Variants in ATRX observed in about 807,000 individuals in gnomAD.
The protein encoded by ATRX is ATRX chromatin remodeler.
Under a neutral mutation model 172.6 loss-of-function variants are expected in ATRX, and 12 were observed. The observed-to-expected ratio is 0.07, with a 90% CI of 0.04 to 0.11. ATRX has a LOEUF of 0.11. Among genes scored for constraint, ATRX ranks in the 10% least tolerant of loss-of-function variants. The pLI is 1.00. For synonymous variants in ATRX, 674 were observed against 594.7 expected (o/e 1.13, Z -1.94); for missense variants, 1,368 against 1,767.4 (o/e 0.77, Z 4.05).
intron 1 of ATRX, among the ~76,000 whole-genome samples, chrX:77,779,743 T>G (rs2076501757): frequency 8.9e-6 from 1 of 112,255 alleles, no homozygotes; most frequent in Admixed American, 9.6e-5. Flanking sequence ...GATCAACTAA[T>G]AAAGCATTCC....
chrX:77,627,785 T>C (rs1270056812), intron 19 of ATRX, among the ~76,000 whole-genome samples: 1 of 109,914 alleles, frequency 9.1e-6, no homozygotes, highest in Non-Finnish European at 1.9e-5. Flanking sequence ...GAGGATCACT[T>C]GAGCCCAGGA....
intron 25 of ATRX, among the ~76,000 whole-genome samples, chrX:77,597,395 G>A (rs2066503787): frequency 9.2e-6 from 1 of 108,210 alleles, no homozygotes; most frequent in Admixed American, 1.0e-4. Flanking sequence ...AACAAAAATT[G>A]ACAACTGGGA....
At chrX:77,681,364 T>C (rs1469002870) in intron 9 of ATRX, among the ~76,000 whole-genome samples, 156 bp downstream of exon 9, 1 of 112,000 alleles carries the variant, frequency 8.9e-6, no homozygotes, top group Non-Finnish European at 1.9e-5. Context: ...TAAAAATAAA[T>C]AGGGAAACTT....
intron 30 of ATRX, 149 bp from the exon 31 acceptor site, chrX:77,523,550 C>T (rs782194925): frequency 5.6e-5 from 30 of 533,182 alleles, no homozygotes; most frequent in Non-Finnish European, 8.6e-5. Context: ...TAAAAAACAG[C>T]AGCAAAACAT....
At chrX:77,546,577 G>A (rs1024648177) in intron 30 of ATRX, among the ~76,000 whole-genome samples, 2 of 109,249 alleles carry the variant, frequency 1.8e-5, no homozygotes, top group South Asian at 4.0e-4. Flanking sequence ...CTGCAGCCTC[G>A]ACCTCCTAGG....
chrX:77,514,571 T>C, intron 34 of ATRX, among the ~76,000 whole-genome samples: 1 of 112,275 alleles, frequency 8.9e-6, no homozygotes, highest in Non-Finnish European at 1.9e-5. Context: ...AGATTGAAAC[T>C]GGACCCCCTC....
At chrX:77,759,411 T>C (rs892028280) in intron 1 of ATRX, among the ~76,000 whole-genome samples, 27 of 110,506 alleles carry the variant, frequency 2.4e-4, no homozygotes, top group African/African-American at 8.9e-4. Flanking sequence ...TCTATATAAC[T>C]TAATACTAAA....
At chrX:77,651,419 T>A (rs186829911) in intron 15 of ATRX, among the ~76,000 whole-genome samples, 3 of 111,121 alleles carry the variant, frequency 2.7e-5, no homozygotes, top group African/African-American at 9.8e-5. Flanking sequence ...GAAACATTTC[T>A]CTACCCAAAA....
chrX:77,711,544 A>T (rs1196102318), intron 2 of ATRX, among the ~76,000 whole-genome samples: 2 of 112,691 alleles, frequency 1.8e-5, no homozygotes, highest in Non-Finnish European at 3.7e-5. Flanking sequence ...CAACATAAAA[A>T]GTCAACTGGG....
intron 15 of ATRX, among the ~76,000 whole-genome samples, chrX:77,646,261 G>C (rs1557113593): frequency 1.8e-5 from 2 of 111,563 alleles, no homozygotes; most frequent in Non-Finnish European, 3.8e-5. Context: ...GAAAGTGAAA[G>C]AATAGTAAAA....
chrX:77,702,393 A>C (rs1394370184), intron 2 of ATRX, among the ~76,000 whole-genome samples: 7 of 112,225 alleles, frequency 6.2e-5, no homozygotes, highest in African/African-American at 2.3e-4. Flanking sequence ...CAGTGAGCCA[A>C]GATCGCACCA....
intron 30 of ATRX, among the ~76,000 whole-genome samples, chrX:77,546,630 T>G (rs782805016): frequency 4.0e-4 from 44 of 111,316 alleles, no homozygotes; most frequent in African/African-American, 1.4e-3. Context: ...CAGCTGAGAC[T>G]ACAGGTGCAT....
chrX:77,604,359 AGAAGATATAACAAAT>A (rs2066814647), intron 22 of ATRX, among the ~76,000 whole-genome samples: 1 of 112,602 alleles, frequency 8.9e-6, no homozygotes, highest in African/African-American at 3.2e-5. Flanking sequence ...ATTTTTCAAA[AGAAGATATAACAAAT>A]GGCCAACAAG....
intron 11 of ATRX, 32 bp downstream of exon 11, chrX:77,664,613 T>C (rs782121785): frequency 5.0e-6 from 6 of 1,203,834 alleles, no homozygotes; most frequent in South Asian, 3.5e-5. Context: ...AATCAAATTA[T>C]GACATTATAA....
Position 77,505,224 on chromosome X carries a change from G to GT in ATRX, c.*3126dup, listed in dbSNP as rs2062685709. On this transcript the variant is annotated 3_prime_UTR_variant, in exon 35 of 35. Transcript: ENST00000373344. ...GAAACAAGGGCTACTGGGACAGAAT[G>GT]TAACTGCTCTTAAAGTTTTGTTTGG... 1 of 172,818 alleles carries GT rather than the reference G, an allele frequency of 5.8e-6. No individual in the cohort carries two copies. The highest frequency in any genetic ancestry group is 1.1e-5 in the Non-Finnish European group (1 of 90,560). The allele number at this position is 172,818 out of a possible 1,213,427, so 14.2% of individuals were successfully genotyped here.
chrX:77,724,960 T>C (rs1357545026), intron 1 of ATRX, among the ~76,000 whole-genome samples: 7 of 111,917 alleles, frequency 6.3e-5, no homozygotes, highest in South Asian at 3.7e-4. Context: ...CCTTTTTATA[T>C]ATTGAAAAAT....
At chrX:77,759,821 A>G (rs1281111898) in intron 1 of ATRX, among the ~76,000 whole-genome samples, 1 of 112,242 alleles carries the variant, frequency 8.9e-6, no homozygotes, top group Non-Finnish European at 1.9e-5. Flanking sequence ...TTTCAAATAT[A>G]TATTTAAATT....
intron 9 of ATRX, among the ~76,000 whole-genome samples, chrX:77,676,688 TTAA>T (rs1299990281): frequency 5.3e-5 from 6 of 112,578 alleles, no homozygotes; most frequent in Non-Finnish European, 1.1e-4. Flanking sequence ...AAAAACAGTA[TTAA>T]TATTTTGGTA....
chrX:77,512,192 GAACA>G (rs1303942913), intron 34 of ATRX, among the ~76,000 whole-genome samples: 35 of 111,426 alleles, frequency 3.1e-4, no homozygotes, highest in Non-Finnish European at 3.4e-4. Context: ...AGGGGTGAAG[GAACA>G]AACAAACAAA....
Sources: gnomAD v4.1 joint callset for allele counts (sites outside exome capture counted in the v4.1 genomes callset) on GRCh38, gnomAD v4.1.1 for gene constraint, MANE v1.5 for transcripts, NCBI Gene and HGNC (gene_info 2026-07-23, HGNC 2026-07-21) for gene names.